Variants in FOXP1 observed in about 807,000 individuals in gnomAD.
The protein encoded by FOXP1 is forkhead box protein P1.
FOXP1 carries 15 observed loss-of-function variants against 98.2 expected under a neutral mutation model. The observed-to-expected ratio is 0.15, with a 90% CI of 0.10 to 0.24. The LOEUF (loss-of-function observed/expected upper bound fraction) is 0.24. Ranked by LOEUF, FOXP1 falls within the 10% of genes least tolerant of loss-of-function variation. FOXP1 has a pLI of 1.00. For synonymous variants in FOXP1, 371 were observed against 314.5 expected, an observed-to-expected ratio of 1.18 and a Z score of -1.90; for missense variants, 633 against 848.5, an observed-to-expected ratio of 0.75 and a Z score of 3.15.
chr3:70,979,305 A>AAAAAAAAG (rs2038318500), intron 14 of FOXP1, among the ~76,000 whole-genome samples: 1 of 116,660 alleles, frequency 8.6e-6, no homozygotes, highest in South Asian at 2.6e-4. Context: ...AAAAAAAAAA[A>AAAAAAAAG]AAAAAAAAAA....
At chr3:71,434,807 G>C in intron 3 of FOXP1, among the ~76,000 whole-genome samples, 1 of 152,084 alleles carries the variant, frequency 6.6e-6, no homozygotes, top group East Asian at 1.9e-4. Flanking sequence ...ATTCTGGGTA[G>C]TAAGAAGATG....
intron 2 of FOXP1, among the ~76,000 whole-genome samples, chr3:71,552,066 T>C (rs1385928892): frequency 1.3e-5 from 2 of 152,116 alleles, no homozygotes; most frequent in Non-Finnish European, 2.9e-5. Context: ...GACACACAGA[T>C]AACAAAACAA....
chr3:71,036,395 C>T (rs2047595543), intron 11 of FOXP1, among the ~76,000 whole-genome samples: 1 of 152,190 alleles, frequency 6.6e-6, no homozygotes, highest in South Asian at 2.1e-4. Context: ...ACCATCTGAT[C>T]AGGGTTTAAG....
chr3:71,210,101 A>G (rs926107274), intron 5 of FOXP1, among the ~76,000 whole-genome samples: 1 of 152,214 alleles, frequency 6.6e-6, no homozygotes, highest in African/African-American at 2.4e-5. Context: ...ATGATTAACA[A>G]TCAGGTTATT....
intron 6 of FOXP1, among the ~76,000 whole-genome samples, chr3:71,156,825 G>C (rs933115221): frequency 1.3e-5 from 2 of 152,252 alleles, no homozygotes; most frequent in African/African-American, 4.8e-5. Flanking sequence ...AAGGAGTCCA[G>C]GAGATAAAAG....
intron 5 of FOXP1, among the ~76,000 whole-genome samples, chr3:71,256,878 G>A (rs776655845): frequency 3.3e-4 from 50 of 151,858 alleles, no homozygotes; most frequent in African/African-American, 1.1e-3. Flanking sequence ...CAGTGGCTGC[G>A]ACGAGCTGGG....
chr3:71,075,134 G>A (rs536188818), intron 7 of FOXP1, among the ~76,000 whole-genome samples: 1 of 152,336 alleles, frequency 6.6e-6, no homozygotes, highest in African/African-American at 2.4e-5. Flanking sequence ...TCAGCATGGT[G>A]ACTCTGGAGA....
chr3:71,434,648 G>GTGTGTGTC (rs1331875311), intron 3 of FOXP1, among the ~76,000 whole-genome samples: 5 of 151,668 alleles, frequency 3.3e-5, no homozygotes, highest in African/African-American at 1.2e-4. Context: ...GTGTGTGTGT[G>GTGTGTGTC]TGTGTGTGTG....
intron 6 of FOXP1, among the ~76,000 whole-genome samples, chr3:71,170,726 C>T (rs533225568): frequency 1.3e-5 from 2 of 152,176 alleles, no homozygotes; most frequent in African/African-American, 2.4e-5. Context: ...ATATTTGTTT[C>T]GCATAAGCTG....
intron 5 of FOXP1, among the ~76,000 whole-genome samples, chr3:71,219,889 C>T (rs2065225438): frequency 6.6e-6 from 1 of 151,698 alleles, no homozygotes; most frequent in African/African-American, 2.4e-5. Context: ...CTGTTTCCAC[C>T]CTATCTATCT....
chr3:71,245,998 AC>A (rs55660633), intron 5 of FOXP1, among the ~76,000 whole-genome samples: 59,682 of 131,980 alleles, frequency 0.45, 12,848 homozygotes, highest in African/African-American at 0.61. Context: ...TACGAAAACC[AC>A]CCCCCCCCCA....
At chr3:71,523,607 A>C (rs1236006749) in intron 2 of FOXP1, among the ~76,000 whole-genome samples, 1 of 152,138 alleles carries the variant, frequency 6.6e-6, no homozygotes, top group African/African-American at 2.4e-5. Flanking sequence ...GAGTCACCTT[A>C]GGGGGCATTC....
chr3:71,298,480 GAAAAAAAGAAA>G (rs1209027687), intron 5 of FOXP1, among the ~76,000 whole-genome samples: 1 of 85,990 alleles, frequency 1.2e-5, no homozygotes, highest in Non-Finnish European at 2.8e-5. Context: ...GAAAAAAAAA[GAAAAAAAGAAA>G]AAGAAAAAGA....
intron 3 of FOXP1, among the ~76,000 whole-genome samples, chr3:71,365,912 G>A (rs1246706862): frequency 6.6e-6 from 1 of 152,194 alleles, no homozygotes; most frequent in Non-Finnish European, 1.5e-5. Flanking sequence ...GAAACTGGGA[G>A]GCAGAGGTTG....
At chr3:71,341,194 A>G (rs2107779823) in intron 4 of FOXP1, among the ~76,000 whole-genome samples, 1 of 152,328 alleles carries the variant, frequency 6.6e-6, no homozygotes, top group Non-Finnish European at 1.5e-5. Context: ...CTTCTCAAGG[A>G]CACTCTCCAG....
intron 3 of FOXP1, among the ~76,000 whole-genome samples, chr3:71,466,468 C>G (rs1369004138): frequency 1.3e-5 from 2 of 152,198 alleles, no homozygotes; most frequent in African/African-American, 4.8e-5. Context: ...CAATACATAA[C>G]AGAGAAGCTA....
At chr3:71,501,958 G>C (rs1379658488) in intron 2 of FOXP1, among the ~76,000 whole-genome samples, 1 of 152,164 alleles carries the variant, frequency 6.6e-6, no homozygotes, top group African/African-American at 2.4e-5. Flanking sequence ...GGGATTTGCA[G>C]GTTATATCCT....
At chr3:71,583,944 G>A (rs2048395335), upstream of FOXP1, 2 of 984,000 alleles carry the variant, frequency 2.0e-6, no homozygotes, top group East Asian at 1.2e-4. Context: ...CCGAGCGGGA[G>A]CGGCTCCCTC....
At chr3:71,470,021 C>T (rs1004142770) in intron 3 of FOXP1, among the ~76,000 whole-genome samples, 1 of 151,576 alleles carries the variant, frequency 6.6e-6, no homozygotes, top group Non-Finnish European at 1.5e-5. Context: ...CCAACTGCCT[C>T]CTGATTTCAA....
Sources: allele counts gnomAD v4.1 joint callset (sites outside exome capture counted in the v4.1 genomes callset), GRCh38; gene constraint gnomAD v4.1.1; transcripts MANE v1.5; gene names NCBI Gene and HGNC (gene_info 2026-07-23, HGNC 2026-07-21).